PCDHGA2: variants seen among roughly 807,000 people sequenced by gnomAD.
PCDHGA2 encodes protocadherin gamma-A2.
Under a neutral mutation model 59.2 loss-of-function variants are expected in PCDHGA2, and 40 were observed. The ratio of observed to expected loss-of-function variants is 0.68; its 90% CI spans 0.52 to 0.88. The LOEUF is 0.88. PCDHGA2 is among the 40% of genes least tolerant of loss of function. The pLI, the probability that PCDHGA2 is intolerant of heterozygous loss-of-function variation, is 0.00. For synonymous variants in PCDHGA2, 560 were observed against 526.0 expected (o/e 1.06, Z -0.89); for missense variants, 1,226 against 1,204.0 (o/e 1.02, Z -0.27).
rs761468303 is a variant in PCDHGA2 at position 141,421,659 on chromosome 5, T to C, written c.2425-73148T>C. 4 of 1,613,700 alleles carry C rather than the reference T, an allele frequency of 2.5e-6. No individual in the cohort carries two copies. The Admixed American group carries it at 6.7e-5, about 27-fold the overall frequency. On this transcript the variant is annotated intron_variant, in intron 1 of 3. Transcript: ENST00000394576. ...AGGACGAAGTGGAGATAAAAGTCAG[T>C]GAGCACGCAATTCCTGGGGCGCGAT...
At chr5:141,409,241 A>G in intron 1 of PCDHGA2, 1 of 1,614,038 alleles carries the variant, frequency 6.2e-7, no homozygotes. Context: ...CAGCCCAGAA[A>G]TAATCATCAC....
At chr5:141,371,265 C>A in intron 1 of PCDHGA2, 1 of 1,614,024 alleles carries the variant, frequency 6.2e-7, no homozygotes, top group Non-Finnish European at 8.5e-7. Context: ...AGTGAGACAA[C>A]TGTTCAAGCT....
In PCDHGA2 at chr5:141,339,876, C is replaced by A; in HGVS notation, c.905C>A (p.Thr302Lys). The change falls in exon 1 of 4, where the codon ACA becomes AAA. Residue 302 changes from threonine (T) to lysine (K), a missense_variant. Physicochemically the swap from Thr to Lys is moderately conservative, Grantham distance 78. Coordinates refer to ENST00000394576, the MANE Select transcript of PCDHGA2 (RefSeq NM_018915.4). ...CTTAAGTCAACATCTGGAGAACTGA[C>A]AATCATAAAAGATCTAGATTATGAG... ...FELKSTSGEL[T>K]IIKDLDYEDA... is the part of the protein sequence containing the mutation. 6.2e-7 allele frequency: 1 copy of A among 1,614,118 alleles called. No homozygotes were observed. Among genetic ancestry groups the A allele is most frequent in the Non-Finnish European group, 8.5e-7 (1 of 1,179,974 alleles).
chr5:141,498,672 C>T (rs1034911993), intron 2 of PCDHGA2, among the ~76,000 whole-genome samples: 3 of 152,218 alleles, frequency 2.0e-5, no homozygotes, highest in South Asian at 4.1e-4. Context: ...TGGCTCACGC[C>T]TGTAATCCCA....
intron 1 of PCDHGA2, chr5:141,351,983 C>T (rs1758882465): frequency 3.1e-6 from 5 of 1,611,764 alleles, no homozygotes; most frequent in Non-Finnish European, 4.2e-6. Flanking sequence ...CGATATGGTG[C>T]CACGCGCCGC....
At chr5:141,482,602 C>T (rs2099569087) in intron 1 of PCDHGA2, among the ~76,000 whole-genome samples, 1 of 142,506 alleles carries the variant, frequency 7.0e-6, no homozygotes, top group Non-Finnish European at 1.5e-5. Flanking sequence ...CGGGAAAAAA[C>T]ACCTAAATGA....
intron 1 of PCDHGA2, chr5:141,414,088 A>T: frequency 6.3e-7 from 1 of 1,599,384 alleles, no homozygotes; most frequent in African/African-American, 1.3e-5. Context: ...TACTGGAGAA[A>T]TAAAAATATC....
intron 2 of PCDHGA2, 79 bp downstream of exon 2, chr5:141,494,944 C>T: frequency 1.9e-6 from 3 of 1,609,850 alleles, no homozygotes; most frequent in Non-Finnish European, 2.5e-6. Context: ...TGGGGGAGGG[C>T]CCAGCATTTG....
chr5:141,485,314 T>G lies in PCDHGA2; in HGVS notation c.2425-9493T>G. Reference sequence around the variant, plus strand: ...CACAGGAAGGGACTTTTGTAGGGAATGTCGCTCAAGATTTCCTGCTGGATA... The same window carrying G: ...CACAGGAAGGGACTTTTGTAGGGAAGGTCGCTCAAGATTTCCTGCTGGATA... On this transcript the variant is annotated intron_variant, in intron 1 of 3. Coordinates refer to ENST00000394576, the MANE Select transcript of PCDHGA2 (RefSeq NM_018915.4). This position sits in a 1 kb window ranked among gnomAD's most constrained non-coding sequence, Gnocchi z 5.7. 1 of 1,614,150 alleles carries G rather than the reference T, an allele frequency of 6.2e-7. No individual in the cohort carries two copies. The highest frequency in any genetic ancestry group is 8.5e-7 in the Non-Finnish European group (1 of 1,180,032).
chr5:141,394,502 G>T, intron 1 of PCDHGA2: 1 of 1,614,226 alleles, frequency 6.2e-7, no homozygotes, highest in Non-Finnish European at 8.5e-7. Flanking sequence ...CCGAGATCCT[G>T]TACCCCGCCC....
At chr5:141,365,868 T>TC (rs764390051) in intron 1 of PCDHGA2, 1 of 1,614,024 alleles carries the variant, frequency 6.2e-7, no homozygotes, top group East Asian at 2.2e-5. Flanking sequence ...GACACCGGTG[T>TC]CCTGTATGCT....
chr5:141,375,016 C>T (rs939863882), intron 1 of PCDHGA2: 3 of 1,613,992 alleles, frequency 1.9e-6, no homozygotes, highest in Non-Finnish European at 1.7e-6. Flanking sequence ...ACTATGAGGA[C>T]TCGAGTTTTT....
chr5:141,407,959 G>T, intron 1 of PCDHGA2: 1 of 668,062 alleles, frequency 1.5e-6, no homozygotes, highest in South Asian at 2.3e-5. Flanking sequence ...CCAGTGCAGA[G>T]CAAGCGCTGA....
Position 141,345,084 on chromosome 5 carries a change from T to C in PCDHGA2, c.2424+3689T>C, listed in dbSNP as rs751565439. ...CAATGCTCCAGAAATTACAATCACG[T>C]CTCTCACAAGCTCAGTCCCAGAAGA... On this transcript the variant is annotated intron_variant, in intron 1 of 3. Coordinates refer to ENST00000394576, the MANE Select transcript of PCDHGA2 (RefSeq NM_018915.4). 6 of 1,613,884 alleles carry C rather than the reference T, an allele frequency of 3.7e-6. No homozygotes were observed. In the Admixed American group the frequency reaches 1.0e-4, roughly 27 times the overall value.
intron 1 of PCDHGA2, chr5:141,392,749 A>G (rs2092584642): frequency 6.9e-7 from 1 of 1,449,652 alleles, no homozygotes; most frequent in Admixed American, 2.8e-5. Flanking sequence ...AGCTGCGGCA[A>G]GAAACTAAAT....
chr5:141,374,352 T>C lies in PCDHGA2; in HGVS notation c.2424+32957T>C, dbSNP rs1288920388. The C allele has an allele frequency of 4.3e-6, 7 of 1,614,010 alleles. No homozygotes were observed. The Admixed American group carries it at 5.0e-5, about 12-fold the overall frequency. On this transcript the variant is annotated intron_variant, in intron 1 of 3. Transcript: ENST00000394576. ...GGCAGCTTGGTCACCGCGGGTAGGA[T>C]AGACCGCGAGGAGCTCTGTGCTCAG...
intron 1 of PCDHGA2, among the ~76,000 whole-genome samples, chr5:141,455,576 G>T (rs752051075): frequency 1.3e-5 from 2 of 152,154 alleles, no homozygotes; most frequent in Non-Finnish European, 2.9e-5. Flanking sequence ...TCCCACCCCA[G>T]CCTTTTAATA....
intron 1 of PCDHGA2, chr5:141,395,033 T>G: frequency 6.2e-7 from 1 of 1,614,140 alleles, no homozygotes; most frequent in Non-Finnish European, 8.5e-7. Context: ...CCTCACATTT[T>G]GTGGGTGTTG....
rs1282933352 is a variant in PCDHGA2 at position 141,352,670 on chromosome 5, G to A, written c.2424+11275G>A. The A allele has an allele frequency of 2.5e-6, 4 of 1,578,960 alleles. No individual in the cohort carries two copies. The African/African-American group carries it at 4.0e-5, about 16-fold the overall frequency. ...TTATGACCCTTCTTTGTCTTCGCAC[G>A]TGAGTTTCTGCAAATCTAGTTAAAT... On this transcript the variant is annotated intron_variant, in intron 1 of 3. Coordinates refer to ENST00000394576, the MANE Select transcript of PCDHGA2 (RefSeq NM_018915.4).
Sources: gnomAD v4.1 joint callset for allele counts (sites outside exome capture counted in the v4.1 genomes callset) on GRCh38, gnomAD v4.1.1 for gene constraint, Gnocchi (gnomAD v3.1) non-coding constraint, MANE v1.5 for transcripts, NCBI Gene and HGNC (gene_info 2026-07-23, HGNC 2026-07-21) for gene names.